Variants in FAR2 observed in about 807,000 individuals in gnomAD.
The protein encoded by FAR2 is epididymis secretory protein Li 81.
A neutral mutation model predicts 56.0 loss-of-function variants in FAR2; 19 were observed. The observed-to-expected ratio is 0.34, with a 90% CI of 0.24 to 0.50. FAR2 has a LOEUF of 0.50. Among genes scored for constraint, FAR2 ranks in the 20% least tolerant of loss-of-function variants. FAR2 has a pLI of 0.98. For missense variants in FAR2, 508 were observed against 642.2 expected (o/e 0.79, Z 2.26); for synonymous variants, 219 against 218.8 (o/e 1.00, Z -0.01).
chr12:29,310,979 C>G (rs761862677), intron 6 of FAR2, 49 bp from the exon 7 acceptor site: 1 of 1,364,748 alleles, frequency 7.3e-7, no homozygotes, highest in African/African-American at 1.4e-5. Context: ...TTAGCCCCAG[C>G]TATTATTTAA....
intron 1 of FAR2, among the ~76,000 whole-genome samples, chr12:29,216,952 G>A (rs926430240): frequency 1.3e-5 from 2 of 152,130 alleles, no homozygotes; most frequent in Non-Finnish European, 1.5e-5. Flanking sequence ...TAACAATAAT[G>A]CAACACCAGA....
chr12:29,289,408 T>C (rs1948925552), intron 2 of FAR2, among the ~76,000 whole-genome samples: 1 of 152,144 alleles, frequency 6.6e-6, no homozygotes, highest in South Asian at 2.1e-4. Context: ...CAGTGAACTC[T>C]TTTGACAAAG....
chr12:29,166,085 C>T lies in FAR2; in HGVS notation c.-39+16678C>T, dbSNP rs904833929. ...CAGTTTCCTCATCTGTGAATAACAA[C>T]ATCTACACTATTTATCTCCCAAGGT... On this transcript the variant is annotated intron_variant, in intron 1 of 11. Transcript: ENST00000536681. Among the ~76,000 whole-genome samples the T allele has an allele frequency of 1.1e-4, 16 of 151,468 alleles. 1 individual carries two copies. The highest frequency in any genetic ancestry group is 9.9e-4 in the Admixed American group (15 of 15,218).
rs1565511105 is a variant in FAR2 at position 29,297,186 on chromosome 12, CATT to C, written c.532_534del (p.Ile178del). Reference sequence around the variant, plus strand: ...CGTGCCCTGTGGAGCCAAAAAAAATCATTGATTCCCTTGAGTAAGTTGGTCTAA... The same window carrying C: ...CGTGCCCTGTGGAGCCAAAAAAAATCGATTCCCTTGAGTAAGTTGGTCTAA... On this transcript the variant is annotated inframe_deletion, in exon 4 of 12. Transcript: ENST00000536681. 2 of 1,611,540 alleles carry C rather than the reference CATT, an allele frequency of 1.2e-6. No individual in the cohort carries two copies. Among genetic ancestry groups the C allele is most frequent in the Non-Finnish European group, 1.7e-6 (2 of 1,179,208 alleles).
intron 1 of FAR2, chr12:29,156,565 T>C (rs1427555671): frequency 6.6e-6 from 1 of 152,192 alleles, no homozygotes. Flanking sequence ...AACTTAACTG[T>C]TTTATTTTAT....
At chr12:29,296,014 C>G (rs537897388) in intron 3 of FAR2, among the ~76,000 whole-genome samples, 4 of 151,186 alleles carry the variant, frequency 2.6e-5, no homozygotes, top group Non-Finnish European at 2.9e-5. Flanking sequence ...ATGATCCACC[C>G]GCCTCGGCCT....
intron 2 of FAR2, among the ~76,000 whole-genome samples, chr12:29,273,599 G>T (rs908146515): frequency 7.9e-5 from 12 of 152,206 alleles, no homozygotes; most frequent in African/African-American, 2.9e-4. Context: ...GCAGTTGCCA[G>T]TCCCAGTGCT....
intron 1 of FAR2, among the ~76,000 whole-genome samples, chr12:29,162,416 A>G (rs969535118): frequency 3.3e-5 from 5 of 152,228 alleles, no homozygotes; most frequent in African/African-American, 1.2e-4. Context: ...CATTTAAAAC[A>G]TATCTCACTA....
At chr12:29,309,293 T>C in intron 6 of FAR2, 63 bp downstream of exon 6, 1 of 1,188,180 alleles carries the variant, frequency 8.4e-7, no homozygotes, top group Non-Finnish European at 1.2e-6. Flanking sequence ...ACAAAATTCT[T>C]AGTGCTGGCT....
At chr12:29,224,861 A>T (rs566866929) in intron 1 of FAR2, among the ~76,000 whole-genome samples, 1 of 152,356 alleles carries the variant, frequency 6.6e-6, no homozygotes, top group East Asian at 1.9e-4. Context: ...AAGAGTTCCC[A>T]AGTGAATATT....
chr12:29,221,070 CGTGCGTACAA>C (rs1332570853), intron 1 of FAR2, among the ~76,000 whole-genome samples: 1 of 151,940 alleles, frequency 6.6e-6, no homozygotes, highest in East Asian at 1.9e-4. Flanking sequence ...ATGAAGTGAG[CGTGCGTACAA>C]CTCCAATAAC....
chr12:29,312,496 AAAC>A (rs1949370132), intron 8 of FAR2, among the ~76,000 whole-genome samples: 4 of 152,148 alleles, frequency 2.6e-5, no homozygotes, highest in African/African-American at 9.7e-5. Flanking sequence ...GGAGAAATAA[AAAC>A]AACACCCAGA....
chr12:29,331,626 C>T (rs921420291), intron 10 of FAR2: 1 of 151,728 alleles, frequency 6.6e-6, no homozygotes, highest in Admixed American at 6.6e-5. Flanking sequence ...AGATCATTTC[C>T]CTCCCTTTCT....
chr12:29,284,761 A>T (rs926328318), intron 2 of FAR2, among the ~76,000 whole-genome samples: 1 of 152,188 alleles, frequency 6.6e-6, no homozygotes, highest in Admixed American at 6.5e-5. Context: ...AAAACAAAAA[A>T]CTTTGAATTA....
chr12:29,245,163 T>C (rs919511923), intron 1 of FAR2, among the ~76,000 whole-genome samples: 10 of 152,060 alleles, frequency 6.6e-5, no homozygotes, highest in Admixed American at 5.2e-4. Flanking sequence ...GTATTTTTAG[T>C]AAGAGACGGG....
At chr12:29,234,707 C>T (rs1311946255) in intron 1 of FAR2, among the ~76,000 whole-genome samples, 3 of 152,112 alleles carry the variant, frequency 2.0e-5, no homozygotes, top group Admixed American at 6.6e-5. Context: ...CTCATGATTA[C>T]AGCTATTATC....
At chr12:29,235,438 A>G (rs993880371) in intron 1 of FAR2, among the ~76,000 whole-genome samples, 1 of 152,092 alleles carries the variant, frequency 6.6e-6, no homozygotes. Flanking sequence ...ATCTCTTGGT[A>G]TTTCTCCACA....
rs146695905 is a variant in FAR2, at chr12:29,172,439, G to T, written c.-39+23032G>T. On this transcript the variant is annotated intron_variant, in intron 1 of 11. Transcript: ENST00000536681. ...CCACACTGATAACAAGCCCTACCCG[G>T]TGATTGGCCTGCTCCATTTTCTGTC... is the stretch of plus-strand genomic sequence containing the variant. Among the ~76,000 whole-genome samples, 212 of 152,284 alleles carry T rather than the reference G, an allele frequency of 1.4e-3. 1 individual carries two copies. In the South Asian group the frequency reaches 0.02, roughly 14 times the overall value.
At chr12:29,244,318 A>G (rs1948090173) in intron 1 of FAR2, among the ~76,000 whole-genome samples, 1 of 152,244 alleles carries the variant, frequency 6.6e-6, no homozygotes, top group African/African-American at 2.4e-5. Flanking sequence ...GAAAGGTGAC[A>G]TGGTGACATA....
Sources: gnomAD v4.1 joint callset for allele counts (sites outside exome capture counted in the v4.1 genomes callset) on GRCh38, gnomAD v4.1.1 for gene constraint, MANE v1.5 for transcripts, NCBI Gene and HGNC (gene_info 2026-07-23, HGNC 2026-07-21) for gene names.